The following MAF variants were observed in gnomAD, a reference collection of about 807,000 sequenced individuals.
MAF encodes the protein MAF bZIP transcription factor.
In MAF, 10 loss-of-function variants were observed where a neutral mutation model predicts 22.0. The ratio of observed to expected loss-of-function variants is 0.45; its 90% CI spans 0.28 to 0.77. The LOEUF (loss-of-function observed/expected upper bound fraction) is 0.77. Among genes scored for constraint, MAF ranks in the 30% least tolerant of loss-of-function variants. The probability of loss-of-function intolerance (pLI) is 0.12; values close to 1 mark genes in which losing one functional copy is unlikely to be tolerated. For synonymous variants in MAF, 337 were observed against 255.8 expected (o/e 1.32, Z -3.03); for missense variants, 544 against 548.4 (o/e 0.99, Z 0.08).
the MAF span, among the ~76,000 whole-genome samples, chr16:79,444,975 G>C: frequency 6.6e-6 from 1 of 152,050 alleles, no homozygotes; most frequent in Non-Finnish European, 1.5e-5. Context: ...TTCAGTTTCT[G>C]GCAAAAATTA....
the MAF span, among the ~76,000 whole-genome samples, chr16:79,263,726 A>AT: frequency 0.13 from 20,500 of 152,176 alleles, 1,476 homozygotes; most frequent in Middle Eastern, 0.21. Context: ...TTCCCTGGTA[A>AT]TTAGCTTGGA....
chr16:79,449,623 G>A, the MAF span, among the ~76,000 whole-genome samples: 1 of 152,176 alleles, frequency 6.6e-6, no homozygotes, highest in South Asian at 2.1e-4. Flanking sequence ...GCAGGACAGA[G>A]GCAGGGTCAG....
chr16:79,304,554 C>T, the MAF span, among the ~76,000 whole-genome samples: 26 of 151,936 alleles, frequency 1.7e-4, no homozygotes, highest in Admixed American at 1.6e-3. Context: ...CCTTTTGATT[C>T]CATAAGTTGG....
chr16:79,250,773 G>C, the MAF span, among the ~76,000 whole-genome samples: 1 of 152,130 alleles, frequency 6.6e-6, no homozygotes, highest in Non-Finnish European at 1.5e-5. Context: ...TTGATTCCAT[G>C]AGCTTCGGTT....
At chr16:79,375,807 T>A in the MAF span, among the ~76,000 whole-genome samples, 2 of 152,146 alleles carry the variant, frequency 1.3e-5, no homozygotes, top group African/African-American at 4.8e-5. Flanking sequence ...TTTTGGCAAA[T>A]CCCAGTTCAC....
chr16:79,593,085 A>C (rs962675722), downstream of MAF, among the ~76,000 whole-genome samples: 1 of 152,204 alleles, frequency 6.6e-6, no homozygotes, highest in Admixed American at 6.5e-5. Context: ...AAAACAGAAA[A>C]AAACAAACAA....
chr16:79,301,277 C>G, the MAF span, among the ~76,000 whole-genome samples: 5 of 152,182 alleles, frequency 3.3e-5, no homozygotes, highest in African/African-American at 1.2e-4. Context: ...CGCTAGCCTG[C>G]TGACCAGCGA....
At chr16:79,413,242 T>G in the MAF span, among the ~76,000 whole-genome samples, 2 of 49,616 alleles carry the variant, frequency 4.0e-5, no homozygotes, top group South Asian at 1.1e-3. Context: ...TTTTTTTTTT[T>G]TTTTTTTTTT....
the MAF span, among the ~76,000 whole-genome samples, chr16:79,509,443 C>T: frequency 8.5e-5 from 13 of 152,306 alleles, 1 homozygote; most frequent in South Asian, 4.1e-4. Context: ...CAGAAGAGCT[C>T]GAATGTTTAC....
the MAF span, among the ~76,000 whole-genome samples, chr16:79,221,153 C>A: frequency 6.6e-6 from 1 of 152,182 alleles, no homozygotes; most frequent in South Asian, 2.1e-4. Flanking sequence ...GGGAAATGTT[C>A]AGAATTCTTT....
chr16:79,489,525 G>A, the MAF span, among the ~76,000 whole-genome samples: 1 of 152,208 alleles, frequency 6.6e-6, no homozygotes, highest in Non-Finnish European at 1.5e-5. Context: ...ACAGTAGAGG[G>A]AGGAACTTCC....
At chr16:79,483,506 G>C in the MAF span, among the ~76,000 whole-genome samples, 1 of 151,542 alleles carries the variant, frequency 6.6e-6, no homozygotes. Context: ...TTAAATTAAC[G>C]TGAAGTGCTA....
the MAF span, among the ~76,000 whole-genome samples, chr16:79,220,319 G>T: frequency 6.6e-6 from 1 of 151,484 alleles, no homozygotes; most frequent in Non-Finnish European, 1.5e-5. Context: ...TGGGGGGCAG[G>T]ATCAGAAAAA....
the MAF span, among the ~76,000 whole-genome samples, chr16:79,352,840 T>C: frequency 2.0e-5 from 3 of 152,188 alleles, no homozygotes; most frequent in Non-Finnish European, 2.9e-5. Flanking sequence ...AAAACGTCCC[T>C]AGACATTGCA....
At chr16:79,343,975 C>T in the MAF span, among the ~76,000 whole-genome samples, 4 of 152,148 alleles carry the variant, frequency 2.6e-5, no homozygotes, top group African/African-American at 9.7e-5. Context: ...TTGAAATGTT[C>T]CTATCTGCTC....
chr16:79,524,345 C>T, the MAF span, among the ~76,000 whole-genome samples: 5 of 152,194 alleles, frequency 3.3e-5, no homozygotes, highest in African/African-American at 1.2e-4. Context: ...ACGCCTTCCT[C>T]TGGGACTGGA....
the MAF span, among the ~76,000 whole-genome samples, chr16:79,376,958 G>C: frequency 1.3e-5 from 2 of 149,640 alleles, no homozygotes; most frequent in Non-Finnish European, 3.0e-5. Context: ...AGTCTTTGCT[G>C]TTGTGAATAG....
At chr16:79,394,191 C>T in the MAF span, among the ~76,000 whole-genome samples, 1 of 152,178 alleles carries the variant, frequency 6.6e-6, no homozygotes, top group African/African-American at 2.4e-5. Context: ...ATGGAGAAGG[C>T]CTGGCTCAGA....
the MAF span, among the ~76,000 whole-genome samples, chr16:79,421,638 A>ATTTTTTTTT: frequency 0.02 from 2,942 of 144,524 alleles, 80 homozygotes; most frequent in African/African-American, 0.065. Flanking sequence ...AAGAAAAGTG[A>ATTTTTTTTT]TTTTTTTTTT....
Sources: allele counts gnomAD v4.1 joint callset (sites outside exome capture counted in the v4.1 genomes callset), GRCh38; gene constraint gnomAD v4.1.1; transcripts MANE v1.5; gene names NCBI Gene and HGNC (gene_info 2026-07-23, HGNC 2026-07-21).